Variants in DGKB observed in about 807,000 individuals in gnomAD.
The protein encoded by DGKB is 90 kDa diacylglycerol kinase.
In DGKB, 67 loss-of-function variants were observed where a neutral mutation model predicts 114.3. The ratio of observed to expected loss-of-function variants is 0.59; its 90% CI spans 0.48 to 0.72. DGKB has a LOEUF of 0.72. Among genes scored for constraint, DGKB ranks in the 30% least tolerant of loss-of-function variants. The pLI, the probability that DGKB is intolerant of heterozygous loss-of-function variation, is 0.00. For missense variants in DGKB, 907 were observed against 975.2 expected, an observed-to-expected ratio of 0.93 and a Z score of 0.93; for synonymous variants, 398 against 323.1, an observed-to-expected ratio of 1.23 and a Z score of -2.49.
At chr7:14,282,721 T>A (rs1050729823) in intron 23 of DGKB, among the ~76,000 whole-genome samples, 3 of 151,918 alleles carry the variant, frequency 2.0e-5, no homozygotes, top group Non-Finnish European at 4.4e-5. Flanking sequence ...CGCAAATCAA[T>A]AAATGTAATC....
intron 25 of DGKB, among the ~76,000 whole-genome samples, chr7:14,155,333 T>C (rs1050580233): frequency 5.9e-5 from 9 of 152,094 alleles, no homozygotes; most frequent in African/African-American, 1.9e-4. Flanking sequence ...TAGATACATA[T>C]GTATTTTTAA....
chr7:14,216,491 C>T (rs553147468), intron 23 of DGKB, among the ~76,000 whole-genome samples: 5 of 151,894 alleles, frequency 3.3e-5, no homozygotes, highest in Non-Finnish European at 7.4e-5. Flanking sequence ...TTTGGGAGGC[C>T]GAGGTGGGTG....
intron 20 of DGKB, among the ~76,000 whole-genome samples, chr7:14,564,235 G>T (rs1797073908): frequency 6.6e-6 from 1 of 152,148 alleles, no homozygotes; most frequent in African/African-American, 2.4e-5. Flanking sequence ...GTTCCACCTG[G>T]AAAGACAGAA....
chr7:14,158,249 T>C (rs976982583), intron 25 of DGKB, among the ~76,000 whole-genome samples: 1 of 152,218 alleles, frequency 6.6e-6, no homozygotes, highest in Non-Finnish European at 1.5e-5. Flanking sequence ...CTCTTCTATC[T>C]GAGACAACAC....
chr7:14,672,286 T>G (rs1222700960), intron 13 of DGKB, among the ~76,000 whole-genome samples: 1 of 152,156 alleles, frequency 6.6e-6, no homozygotes. Context: ...AAAATAACTT[T>G]AATTTTCAAA....
At chr7:14,414,384 C>T (rs1312873986) in intron 21 of DGKB, among the ~76,000 whole-genome samples, 1 of 152,056 alleles carries the variant, frequency 6.6e-6, no homozygotes. Flanking sequence ...AAGGTTATTT[C>T]AATATTATAT....
intron 13 of DGKB, among the ~76,000 whole-genome samples, chr7:14,633,740 C>A (rs373280608): frequency 6.6e-6 from 1 of 151,382 alleles, no homozygotes; most frequent in Non-Finnish European, 1.5e-5. Context: ...TTTATTTAAT[C>A]CAATGTGAGG....
At chr7:14,262,404 C>A (rs1217951944) in intron 23 of DGKB, among the ~76,000 whole-genome samples, 1 of 152,108 alleles carries the variant, frequency 6.6e-6, no homozygotes, top group African/African-American at 2.4e-5. Context: ...ACCTTGCTTG[C>A]CCCTTCTACT....
chr7:14,853,589 G>A (rs547027785), intron 1 of DGKB, among the ~76,000 whole-genome samples: 6 of 151,640 alleles, frequency 4.0e-5, no homozygotes, highest in East Asian at 1.9e-4. Flanking sequence ...TTATCAGGCC[G>A]GTCACAGTGG....
At chr7:14,403,229 T>C (rs1188506068) in intron 21 of DGKB, among the ~76,000 whole-genome samples, 1 of 151,684 alleles carries the variant, frequency 6.6e-6, no homozygotes, top group African/African-American at 2.4e-5. Flanking sequence ...AAAAAAAGCC[T>C]GATATTCTGG....
chr7:14,426,124 AAACAT>A, intron 21 of DGKB, among the ~76,000 whole-genome samples: 1 of 152,306 alleles, frequency 6.6e-6, no homozygotes, highest in Non-Finnish European at 1.5e-5. Context: ...CTTCTAAGAG[AAACAT>A]AACACAAGCT....
chr7:14,883,564 T>C (rs1407722116), intron 1 of DGKB, among the ~76,000 whole-genome samples: 1 of 151,986 alleles, frequency 6.6e-6, no homozygotes, highest in Non-Finnish European at 1.5e-5. Context: ...TAGAGTTAGT[T>C]GTATGGAGAT....
chr7:14,546,006 G>T (rs1159075733), intron 20 of DGKB, among the ~76,000 whole-genome samples: 1 of 152,092 alleles, frequency 6.6e-6, no homozygotes, highest in Admixed American at 6.5e-5. Context: ...TAAACTGAAT[G>T]TTTTCTAAGC....
At chr7:14,935,955 G>A (rs1587413834) in intron 1 of DGKB, among the ~76,000 whole-genome samples, 2 of 152,080 alleles carry the variant, frequency 1.3e-5, no homozygotes, top group African/African-American at 2.4e-5. Flanking sequence ...TACATTTTGA[G>A]TAGCAAGACT....
chr7:14,715,612 G>A (rs978743363), intron 6 of DGKB, among the ~76,000 whole-genome samples: 5 of 152,036 alleles, frequency 3.3e-5, no homozygotes, highest in African/African-American at 1.2e-4. Context: ...GCCTTGGGAC[G>A]GGAAGGTCCT....
intron 20 of DGKB, among the ~76,000 whole-genome samples, chr7:14,517,864 G>A (rs1160784253): frequency 6.6e-6 from 1 of 152,124 alleles, no homozygotes; most frequent in African/African-American, 2.4e-5. Context: ...CTGCAGGTGG[G>A]AATGTAAATG....
At chr7:14,666,568 G>A (rs998197689) in intron 13 of DGKB, among the ~76,000 whole-genome samples, 4 of 151,966 alleles carry the variant, frequency 2.6e-5, no homozygotes, top group Non-Finnish European at 2.9e-5. Flanking sequence ...CAGAACATCT[G>A]TTTTGACAAT....
chr7:14,644,406 G>A (rs1191324209), intron 13 of DGKB, among the ~76,000 whole-genome samples: 2 of 152,088 alleles, frequency 1.3e-5, no homozygotes, highest in African/African-American at 4.8e-5. Context: ...ACTTGAAAGG[G>A]AATTCAAAAT....
chr7:14,971,700 T>C (rs1431724897), intron 1 of DGKB, among the ~76,000 whole-genome samples: 2 of 151,962 alleles, frequency 1.3e-5, no homozygotes, highest in Non-Finnish European at 2.9e-5. Flanking sequence ...AATCTTTTAT[T>C]TTTATTTTTT....
Sources: allele counts gnomAD v4.1 joint callset (sites outside exome capture counted in the v4.1 genomes callset), GRCh38; gene constraint gnomAD v4.1.1; transcripts MANE v1.5; gene names NCBI Gene and HGNC (gene_info 2026-07-23, HGNC 2026-07-21).